RERG: variants seen among roughly 807,000 people sequenced by gnomAD.
RERG encodes RAS like estrogen regulated growth inhibitor.
RERG carries 25 observed loss-of-function variants against 23.2 expected under a neutral mutation model. The observed-to-expected ratio is 1.08, with a 90% CI of 0.79 to 1.50. The LOEUF is 1.50. RERG is among the 40% of genes most tolerant of loss of function. The pLI is 0.00. For synonymous variants in RERG, 81 were observed against 89.1 expected (o/e 0.91, Z 0.51); for missense variants, 253 against 250.1 (o/e 1.01, Z -0.08).
At position 15,172,517 on chromosome 12, in the gene RERG, GT is replaced by G. The variant is rs569776843; in HGVS notation, c.61+44911del. Among the ~76,000 whole-genome samples, 109 of 152,042 alleles carry G rather than the reference GT, an allele frequency of 7.2e-4. 1 individual carries two copies. The South Asian group carries it at 0.022, about 31-fold the overall frequency. Reference sequence around the variant, plus strand: ...AGAAGCAGAATTGCTTGGTCATCTGGTAACTCCATGTTTTACATTTTTAGGA... The same window carrying G: ...AGAAGCAGAATTGCTTGGTCATCTGGAACTCCATGTTTTACATTTTTAGGA... On this transcript the variant is annotated intron_variant, in intron 2 of 4. Coordinates refer to ENST00000256953, the MANE Select transcript of RERG (RefSeq NM_032918.3).
At chr12:15,146,009 G>A (rs1864326120) in intron 2 of RERG, among the ~76,000 whole-genome samples, 1 of 152,192 alleles carries the variant, frequency 6.6e-6, no homozygotes, top group African/African-American at 2.4e-5. Context: ...TGGGAGAAAT[G>A]TGTGGTACAG....
chr12:15,186,389 A>T (rs1204021853), intron 2 of RERG, among the ~76,000 whole-genome samples: 1 of 152,090 alleles, frequency 6.6e-6, no homozygotes, highest in Admixed American at 6.5e-5. Context: ...GGAAAAATTT[A>T]AAAAATTAAA....
chr12:15,196,260 C>G (rs905992440), intron 2 of RERG, among the ~76,000 whole-genome samples: 3 of 152,124 alleles, frequency 2.0e-5, no homozygotes, highest in Non-Finnish European at 4.4e-5. Context: ...CCCTGTTTAA[C>G]AGTATGGATG....
chr12:15,118,923 A>G (rs563622785), intron 3 of RERG, among the ~76,000 whole-genome samples: 1 of 152,338 alleles, frequency 6.6e-6, no homozygotes, highest in South Asian at 2.1e-4. Context: ...GGACTAATGC[A>G]GTAGCCATGT....
intron 2 of RERG, among the ~76,000 whole-genome samples, chr12:15,148,074 A>G (rs1240375839): frequency 1.3e-5 from 2 of 152,196 alleles, no homozygotes; most frequent in Non-Finnish European, 2.9e-5. Context: ...TATTCTGCAA[A>G]CCAAAGCCAG....
At chr12:15,206,955 G>T (rs1591670537) in intron 2 of RERG, among the ~76,000 whole-genome samples, 3 of 152,074 alleles carry the variant, frequency 2.0e-5, no homozygotes, top group African/African-American at 7.2e-5. Context: ...GCAGGAGATT[G>T]TAACTGTGAA....
chr12:15,167,760 CCT>C (rs1864716853), intron 2 of RERG, among the ~76,000 whole-genome samples: 5 of 151,912 alleles, frequency 3.3e-5, no homozygotes, highest in Admixed American at 2.0e-4. Flanking sequence ...CATAGACTTC[CCT>C]GTTTAACATT....
At chr12:15,177,289 C>T (rs796784395) in intron 2 of RERG, among the ~76,000 whole-genome samples, 18 of 152,270 alleles carry the variant, frequency 1.2e-4, no homozygotes, top group African/African-American at 4.1e-4. Context: ...CCTGTCTCTA[C>T]TAAAAATACA....
rs141410273 is a variant in RERG, at chr12:15,208,983, T to C, written c.61+8446A>G. 6.0e-3 allele frequency among the ~76,000 whole-genome samples: 914 copies of C among 151,994 alleles called. 8 individuals carry two copies. Among genetic ancestry groups the C allele is most frequent in the Non-Finnish European group, 0.01 (682 of 67,962 alleles). ...AAAATCAACTCAATGTCTCTTCATGTGACATATTTGAAACCAAAAATTCCT... is the reference window on the plus strand; with the variant it reads ...AAAATCAACTCAATGTCTCTTCATGCGACATATTTGAAACCAAAAATTCCT... On this transcript the variant is annotated intron_variant, in intron 2 of 4. Coordinates refer to ENST00000256953, the MANE Select transcript of RERG (RefSeq NM_032918.3).
In RERG at chr12:15,139,750, C is replaced by G. The variant is rs553261237; in HGVS notation, c.62-18631G>C. On this transcript the variant is annotated intron_variant, in intron 2 of 4. Transcript: ENST00000256953. ...GGATTTTCTACATAGAAAATCATAT[C>G]ATTTGTGAACAAAGACAGTTGCATT... Among the ~76,000 whole-genome samples the G allele has an allele frequency of 2.0e-5, 3 of 152,106 alleles. No individual in the cohort carries two copies. The East Asian group carries it at 5.8e-4, about 29-fold the overall frequency.
chr12:15,190,017 G>A (rs1001971579), intron 2 of RERG, among the ~76,000 whole-genome samples: 1 of 152,188 alleles, frequency 6.6e-6, no homozygotes, highest in African/African-American at 2.4e-5. Flanking sequence ...GTAACAGTAA[G>A]ATAAGAGAGA....
chr12:15,139,954 G>T (rs111563421), intron 2 of RERG, among the ~76,000 whole-genome samples: 102 of 152,196 alleles, frequency 6.7e-4, no homozygotes, highest in African/African-American at 2.3e-3. Context: ...ATCTGGTTCT[G>T]CTTCTAGGCT....
chr12:15,163,672 A>C (rs57034711), intron 2 of RERG, among the ~76,000 whole-genome samples: 58,169 of 152,014 alleles, frequency 0.38, 11,244 homozygotes, highest in Middle Eastern at 0.45. Context: ...AGGAGATGGA[A>C]GGCAACAGGA....
chr12:15,203,658 A>G (rs890301340), intron 2 of RERG, among the ~76,000 whole-genome samples: 8 of 151,826 alleles, frequency 5.3e-5, no homozygotes, highest in African/African-American at 1.9e-4. Context: ...TCTTATAAGT[A>G]GCAAACCCTA....
At position 15,213,367 on chromosome 12, in the gene RERG, G is replaced by A. The variant is rs554021178; in HGVS notation, c.61+4062C>T. ...TCAAAATATAGGCTGATGCACACAA[G>A]TAAGGAAATCTGTGCCTTGCATGCC... On this transcript the variant is annotated intron_variant, in intron 2 of 4. Coordinates refer to ENST00000256953, the MANE Select transcript of RERG (RefSeq NM_032918.3). 3.3e-5 allele frequency among the ~76,000 whole-genome samples: 5 copies of A among 152,306 alleles called. No individual in the cohort carries two copies. In the South Asian group the frequency reaches 1.0e-3, roughly 32 times the overall value.
In RERG at chr12:15,153,620, CACGG is replaced by C. The variant is rs1441910121; in HGVS notation, c.62-32505_62-32502del. ...TTATAATATAAAGAAAAAGAATATTCACGGTGCATTACTTTTGGCAGCCTATCAT... is the reference window on the plus strand; with the variant it reads ...TTATAATATAAAGAAAAAGAATATTCTGCATTACTTTTGGCAGCCTATCAT... On this transcript the variant is annotated intron_variant, in intron 2 of 4. Transcript: ENST00000256953. Among the ~76,000 whole-genome samples the C allele has an allele frequency of 2.1e-3, 319 of 152,180 alleles. 1 individual carries two copies. Among genetic ancestry groups the C allele is most frequent in the African/African-American group, 6.9e-3 (287 of 41,510 alleles).
intron 2 of RERG, among the ~76,000 whole-genome samples, chr12:15,190,217 G>A (rs1865050741): frequency 6.6e-6 from 1 of 151,994 alleles, no homozygotes; most frequent in African/African-American, 2.4e-5. Context: ...GGGTTCCAGG[G>A]GTGTCCAATC....
rs772353150 is a variant in RERG at position 15,212,042 on chromosome 12, C to CTTTTTTTTTTTTTTTTTTTT, written c.61+5367_61+5386dup. Among the ~76,000 whole-genome samples, 13 of 64,716 alleles carry CTTTTTTTTTTTTTTTTTTTT rather than the reference C, an allele frequency of 2.0e-4. 2 individuals are homozygous for CTTTTTTTTTTTTTTTTTTTT. Among genetic ancestry groups the CTTTTTTTTTTTTTTTTTTTT allele is most frequent in the Non-Finnish European group, 2.4e-4 (8 of 32,774 alleles). 42.5% of individuals were successfully genotyped at this position (64,716 alleles called of 152,430 possible). A position where few individuals can be genotyped will look rare whatever the true frequency, so the allele number is the denominator to read the frequency against. On this transcript the variant is annotated intron_variant, in intron 2 of 4. Coordinates refer to ENST00000256953, the MANE Select transcript of RERG (RefSeq NM_032918.3). The stretch of plus-strand genomic sequence containing the variant: ...ATGTGATATTAGAGCCACGAATAAA[C>CTTTTTTTTTTTTTTTTTTTT]TTTTTTTTTTTTTTTTTTTTTTTTT...
intron 2 of RERG, among the ~76,000 whole-genome samples, chr12:15,166,553 G>GTGGTGA (rs1864695372): frequency 6.6e-6 from 1 of 151,398 alleles, no homozygotes; most frequent in Non-Finnish European, 1.5e-5. Flanking sequence ...AGTGGTGTTG[G>GTGGTGA]TGGTGGTGTT....
Sources: allele counts gnomAD v4.1 joint callset (sites outside exome capture counted in the v4.1 genomes callset), GRCh38; gene constraint gnomAD v4.1.1; transcripts MANE v1.5; gene names NCBI Gene and HGNC (gene_info 2026-07-23, HGNC 2026-07-21).